The following KIAA0825 variants were observed in gnomAD, a reference collection of about 807,000 sequenced individuals.
KIAA0825 encodes uncharacterized protein KIAA0825.
Under a neutral mutation model 147.6 loss-of-function variants are expected in KIAA0825, and 119 were observed. The observed-to-expected ratio is 0.81, with a 90% CI of 0.69 to 0.94. KIAA0825 has a LOEUF of 0.94. Among genes scored for constraint, KIAA0825 ranks in the 40% least tolerant of loss-of-function variants. The probability of loss-of-function intolerance (pLI) is 0.00; values close to 1 mark genes in which losing one functional copy is unlikely to be tolerated. For missense variants in KIAA0825, 1,381 were observed against 1,472.7 expected, an observed-to-expected ratio of 0.94 and a Z score of 1.02; for synonymous variants, 470 against 518.1, an observed-to-expected ratio of 0.91 and a Z score of 1.26.
In KIAA0825 at chr5:94,462,505, G is replaced by A. The variant is rs533172243; in HGVS notation, c.2128C>T (p.Gln710Ter). ...NMLWSVCTSV[Q>*]KLLNPHQHTD... Reference sequence around the variant, plus strand: ...TGCTGATGAGGATTCAAAAGTTTCTGTACAGATGTACAAACTGACCATAAC... The same window carrying A: ...TGCTGATGAGGATTCAAAAGTTTCTATACAGATGTACAAACTGACCATAAC... The change falls in exon 12 of 21, where the codon CAG becomes TAG. Residue 710 changes from glutamine (Q) to a stop codon, truncating the protein, a stop_gained. Coordinates refer to ENST00000682413, the MANE Select transcript of KIAA0825 (RefSeq NM_001145678.3). LOFTEE classifies it high-confidence loss of function. 2 of 1,545,448 alleles carry A rather than the reference G, an allele frequency of 1.3e-6. No homozygotes were observed. Among genetic ancestry groups the A allele is most frequent in the African/African-American group, 1.4e-5 (1 of 72,844 alleles).
intron 20 of KIAA0825, among the ~76,000 whole-genome samples, chr5:94,353,976 G>C (rs527887453): frequency 2.6e-5 from 4 of 152,220 alleles, no homozygotes; most frequent in African/African-American, 9.6e-5. Context: ...AGTCAGTTAA[G>C]TAAGAATTGC....
chr5:94,169,586 A>T (rs886620216), intron 20 of KIAA0825, among the ~76,000 whole-genome samples: 8 of 149,110 alleles, frequency 5.4e-5, no homozygotes, highest in Admixed American at 2.0e-4. Flanking sequence ...AAAAAAAAAG[A>T]TCTAGAATTC....
chr5:94,310,324 T>A (rs1050929033), intron 20 of KIAA0825, among the ~76,000 whole-genome samples: 5 of 151,616 alleles, frequency 3.3e-5, no homozygotes, highest in Non-Finnish European at 7.4e-5. Context: ...ATCAGGCACT[T>A]CTCCTCGATC....
At chr5:94,321,364 T>C (rs1240881694) in intron 20 of KIAA0825, among the ~76,000 whole-genome samples, 1 of 151,992 alleles carries the variant, frequency 6.6e-6, no homozygotes, top group African/African-American at 2.4e-5. Flanking sequence ...ATAACTGATA[T>C]CTATAAAGTG....
chr5:94,369,365 T>A (rs1055673538), intron 20 of KIAA0825, among the ~76,000 whole-genome samples: 17 of 152,168 alleles, frequency 1.1e-4, no homozygotes, highest in African/African-American at 4.1e-4. Flanking sequence ...AAAAATAGAA[T>A]GTGAATGCAT....
chr5:94,396,313 G>T lies in KIAA0825; in HGVS notation c.3084C>A (p.Asp1028Glu). ...LIVIICRIFE[D>E]GNTVELLTGA... is the part of the protein sequence containing the mutation. ...CTGTTAAAAGTTCCACAGTGTTTCC[G>T]TCCTCAAATATCCGACATATAATTA... The change falls in exon 17 of 21, where the codon GAC becomes GAA. Residue 1028 changes from aspartate to glutamate, a missense_variant. Asp to Glu is a conservative substitution (Grantham distance 45). Transcript: ENST00000682413. The T allele has an allele frequency of 6.4e-7, 1 of 1,550,434 alleles. No homozygotes were observed. Among genetic ancestry groups the T allele is most frequent in the Non-Finnish European group, 8.7e-7 (1 of 1,146,546 alleles).
intron 1 of KIAA0825, chr5:94,594,369 A>T (rs1383566792): frequency 1.3e-6 from 1 of 753,446 alleles, no homozygotes; most frequent in Non-Finnish European, 2.4e-6. Context: ...GATTTATAAA[A>T]TGTTAGCAGA....
chr5:94,175,237 C>T (rs1417636046), intron 20 of KIAA0825, among the ~76,000 whole-genome samples: 1 of 152,168 alleles, frequency 6.6e-6, no homozygotes, highest in African/African-American at 2.4e-5. Context: ...TATCATTCTC[C>T]AGATAATAGG....
At chr5:94,438,372 A>G (rs939861786) in intron 14 of KIAA0825, among the ~76,000 whole-genome samples, 10 of 152,212 alleles carry the variant, frequency 6.6e-5, no homozygotes, top group African/African-American at 2.2e-4. Flanking sequence ...TGAACAATAA[A>G]TGTTGTTTAT....
chr5:94,584,848 G>C (rs1782957946), intron 1 of KIAA0825, among the ~76,000 whole-genome samples: 1 of 152,212 alleles, frequency 6.6e-6, no homozygotes, highest in Admixed American at 6.5e-5. Flanking sequence ...TCTCTCTGCA[G>C]AAACCCTACA....
intron 20 of KIAA0825, among the ~76,000 whole-genome samples, chr5:94,268,184 T>G (rs1651907685): frequency 6.6e-6 from 1 of 152,150 alleles, no homozygotes; most frequent in African/African-American, 2.4e-5. Flanking sequence ...GTGAGATTTT[T>G]AAGAACAATT....
intron 20 of KIAA0825, among the ~76,000 whole-genome samples, chr5:94,336,219 A>T (rs943847945): frequency 1.3e-5 from 2 of 151,532 alleles, no homozygotes; most frequent in Non-Finnish European, 2.9e-5. Flanking sequence ...ATAGCTATAG[A>T]AGTGAGCACC....
chr5:94,273,138 C>G (rs560995761), intron 20 of KIAA0825, among the ~76,000 whole-genome samples: 1 of 152,262 alleles, frequency 6.6e-6, no homozygotes, highest in Non-Finnish European at 1.5e-5. Context: ...TCTCTTTGCT[C>G]AGTTTCTGCA....
chr5:94,369,486 C>T (rs1209138821), intron 20 of KIAA0825, among the ~76,000 whole-genome samples: 3 of 151,950 alleles, frequency 2.0e-5, no homozygotes, highest in African/African-American at 7.3e-5. Flanking sequence ...GCTATGTGAG[C>T]GAATGAGTTA....
chr5:94,238,773 C>T (rs1350287748), intron 20 of KIAA0825, among the ~76,000 whole-genome samples: 2 of 152,054 alleles, frequency 1.3e-5, no homozygotes, highest in Non-Finnish European at 1.5e-5. Flanking sequence ...TTTGTCTTCC[C>T]CCATTTCTTT....
chr5:94,483,388 A>G (rs552057889), intron 6 of KIAA0825, among the ~76,000 whole-genome samples: 2 of 152,064 alleles, frequency 1.3e-5, no homozygotes, highest in East Asian at 3.9e-4. Flanking sequence ...GAGATGACAA[A>G]TCTTAGCCAG....
intron 12 of KIAA0825, among the ~76,000 whole-genome samples, chr5:94,461,204 G>C (rs1351680794): frequency 6.6e-6 from 1 of 151,808 alleles, no homozygotes; most frequent in African/African-American, 2.4e-5. Context: ...ATGCATTGGG[G>C]GGCTAAAATT....
Position 94,380,158 on chromosome 5 carries a change from T to G in KIAA0825, c.3710+4210A>C, listed in dbSNP as rs1584317798. Reference sequence around the variant, plus strand: ...GTGAGCCACCGTGCCTGGCCGATACTTTATTCTTTTTGTGGCTATTACAAC... The same window carrying G: ...GTGAGCCACCGTGCCTGGCCGATACGTTATTCTTTTTGTGGCTATTACAAC... On this transcript the variant is annotated intron_variant, in intron 20 of 20. Coordinates refer to ENST00000682413, the MANE Select transcript of KIAA0825 (RefSeq NM_001145678.3). Among the ~76,000 whole-genome samples the G allele has an allele frequency of 2.0e-5, 3 of 152,282 alleles. No individual in the cohort carries two copies. The Middle Eastern group carries it at 0.01, about 518-fold the overall frequency.
rs1237277153 is a variant in KIAA0825, at chr5:94,152,855, ATTATATAT to A, written c.*1144_*1151del. On this transcript the variant is annotated 3_prime_UTR_variant, in exon 21 of 21. Coordinates refer to ENST00000682413, the MANE Select transcript of KIAA0825 (RefSeq NM_001145678.3). ...AAAAAAAAAAAAAAAAAAAAAAAAA[ATTATATAT>A]ATATATATATATATATATATATATA... 4 of 5,600 alleles carry A rather than the reference ATTATATAT, an allele frequency of 7.1e-4. No homozygotes were observed. The highest frequency in any genetic ancestry group is 1.7e-3 in the African/African-American group (3 of 1,782). 0.3% of individuals were successfully genotyped at this position (5,600 alleles called of 1,614,324 possible).
Sources: allele counts gnomAD v4.1 joint callset (sites outside exome capture counted in the v4.1 genomes callset), GRCh38; gene constraint gnomAD v4.1.1; transcripts MANE v1.5; gene names NCBI Gene and HGNC (gene_info 2026-07-23, HGNC 2026-07-21).